CNTNAP2: variants seen among roughly 807,000 people sequenced by gnomAD.
CNTNAP2 encodes contactin-associated protein-like 2.
CNTNAP2 carries 98 observed loss-of-function variants against 155.2 expected under a neutral mutation model. The observed-to-expected ratio is 0.63, with a 90% CI of 0.54 to 0.75. The LOEUF (loss-of-function observed/expected upper bound fraction) is 0.75, where lower values mean the gene tolerates loss of function less well. Ranked by LOEUF, CNTNAP2 falls within the 30% of genes least tolerant of loss-of-function variation. The pLI, the probability that CNTNAP2 is intolerant of heterozygous loss-of-function variation, is 0.00. For synonymous variants in CNTNAP2, 651 were observed against 631.2 expected (o/e 1.03, Z -0.47); for missense variants, 1,727 against 1,688.1 (o/e 1.02, Z -0.40).
intron 8 of CNTNAP2, among the ~76,000 whole-genome samples, chr7:147,269,871 G>A (rs78973976): frequency 0.015 from 2,247 of 152,088 alleles, 63 homozygotes; most frequent in African/African-American, 0.051. Context: ...TGGATATTAT[G>A]GTAAGACCAC....
At chr7:146,682,149 T>C (rs1304055584) in intron 1 of CNTNAP2, among the ~76,000 whole-genome samples, 2 of 152,170 alleles carry the variant, frequency 1.3e-5, no homozygotes, top group African/African-American at 4.8e-5. Flanking sequence ...ATTCATCTTA[T>C]AAATTCTTTG....
intron 21 of CNTNAP2, among the ~76,000 whole-genome samples, chr7:148,382,425 A>G (rs142663033): frequency 1.2e-3 from 179 of 152,340 alleles, no homozygotes; most frequent in African/African-American, 3.8e-3. Context: ...CTGTGGTGTC[A>G]TAGGGAAACC....
At chr7:146,297,656 G>A (rs1039461268) in intron 1 of CNTNAP2, among the ~76,000 whole-genome samples, 16 of 152,136 alleles carry the variant, frequency 1.1e-4, no homozygotes, top group African/African-American at 3.4e-4. Flanking sequence ...ATAACTATCA[G>A]AGAGTTATAA....
chr7:147,015,816 T>C (rs948091018), intron 3 of CNTNAP2, among the ~76,000 whole-genome samples: 2 of 152,102 alleles, frequency 1.3e-5, no homozygotes, highest in African/African-American at 4.8e-5. Context: ...ACTTATATTC[T>C]ATCTCTAATA....
At chr7:148,384,680 G>C (rs961117330) in intron 22 of CNTNAP2, among the ~76,000 whole-genome samples, 5 of 152,142 alleles carry the variant, frequency 3.3e-5, no homozygotes, top group Non-Finnish European at 7.4e-5. Flanking sequence ...GGGTCTCCAG[G>C]CAACATGTGA....
chr7:147,466,747 G>A (rs1400443768), intron 10 of CNTNAP2, among the ~76,000 whole-genome samples: 2 of 151,970 alleles, frequency 1.3e-5, no homozygotes, highest in Admixed American at 6.6e-5. Flanking sequence ...TGATACCCCC[G>A]TCTCTACTAA....
At chr7:147,839,942 A>G (rs1798701200) in intron 13 of CNTNAP2, among the ~76,000 whole-genome samples, 1 of 151,198 alleles carries the variant, frequency 6.6e-6, no homozygotes, top group Non-Finnish European at 1.5e-5. Flanking sequence ...ATATGTATAC[A>G]CACACACACA....
intron 8 of CNTNAP2, among the ~76,000 whole-genome samples, chr7:147,292,542 G>T (rs935047470): frequency 3.9e-5 from 6 of 151,922 alleles, no homozygotes; most frequent in African/African-American, 7.3e-5. Flanking sequence ...GGTTAGAATC[G>T]CATGGTATGT....
At chr7:146,780,728 T>C (rs1303551904) in intron 2 of CNTNAP2, among the ~76,000 whole-genome samples, 1 of 151,936 alleles carries the variant, frequency 6.6e-6, no homozygotes, top group Admixed American at 6.6e-5. Flanking sequence ...TGCAGGGACA[T>C]GGATGAAGCT....
intron 9 of CNTNAP2, among the ~76,000 whole-genome samples, chr7:147,320,466 AT>A (rs1280379921): frequency 6.6e-6 from 1 of 152,164 alleles, no homozygotes; most frequent in Non-Finnish European, 1.5e-5. Flanking sequence ...AAATACCTAT[AT>A]TAACCCTTTT....
At chr7:146,790,601 G>A (rs190090146) in intron 2 of CNTNAP2, among the ~76,000 whole-genome samples, 57 of 145,716 alleles carry the variant, frequency 3.9e-4, no homozygotes, top group African/African-American at 1.4e-3. Flanking sequence ...ACGGAGTCTC[G>A]CTCTGTCGCC....
chr7:147,512,574 T>C (rs1041567913), intron 11 of CNTNAP2, among the ~76,000 whole-genome samples: 1 of 152,170 alleles, frequency 6.6e-6, no homozygotes, highest in African/African-American at 2.4e-5. Flanking sequence ...CAAAGAGATT[T>C]TTAAAAATAC....
intron 19 of CNTNAP2, among the ~76,000 whole-genome samples, chr7:148,228,555 G>A (rs1795900011): frequency 6.6e-6 from 1 of 152,046 alleles, no homozygotes; most frequent in Admixed American, 6.5e-5. Context: ...CAGGAGCGTC[G>A]GCTCACGCCT....
intron 13 of CNTNAP2, among the ~76,000 whole-genome samples, chr7:147,703,294 T>C (rs1563058492): frequency 6.6e-6 from 1 of 152,194 alleles, no homozygotes; most frequent in Non-Finnish European, 1.5e-5. Flanking sequence ...TCTCTAACAG[T>C]AATGAATTTC....
At chr7:146,293,296 C>T (rs1343364161) in intron 1 of CNTNAP2, among the ~76,000 whole-genome samples, 1 of 152,214 alleles carries the variant, frequency 6.6e-6, no homozygotes, top group Admixed American at 6.5e-5. Flanking sequence ...CCATTGAAAA[C>T]TCTGTTGGAC....
intron 1 of CNTNAP2, among the ~76,000 whole-genome samples, chr7:146,163,524 T>TAC (rs1798260978): frequency 6.9e-6 from 1 of 144,342 alleles, no homozygotes; most frequent in African/African-American, 2.6e-5. Flanking sequence ...TATCTATATA[T>TAC]ATCTATATAT....
chr7:146,177,309 T>C (rs554777840), intron 1 of CNTNAP2, among the ~76,000 whole-genome samples: 22 of 152,298 alleles, frequency 1.4e-4, no homozygotes, highest in African/African-American at 5.1e-4. Flanking sequence ...AATTTCTTCA[T>C]GGTTCTTAAA....
intron 13 of CNTNAP2, 68 bp downstream of exon 13, chr7:147,639,374 C>G: frequency 6.9e-7 from 1 of 1,440,052 alleles, no homozygotes; most frequent in South Asian, 1.2e-5. Context: ...CCTAAAGAAT[C>G]CAACAGGTGT....
Position 147,539,814 on chromosome 7 carries a change from T to C in CNTNAP2, c.1778-22324T>C, listed in dbSNP as rs146784512. Among the ~76,000 whole-genome samples, 125 of 152,312 alleles carry C rather than the reference T, an allele frequency of 8.2e-4. 1 individual carries two copies. Among genetic ancestry groups the C allele is most frequent in the African/African-American group, 2.9e-3 (121 of 41,576 alleles). ...GGAAGCATTTTTAGGAATTGTTCAT[T>C]CTTTCTTTGTTATTACAGAAATGAG... On this transcript the variant is annotated intron_variant, in intron 11 of 23. Transcript: ENST00000361727.
Sources: gnomAD v4.1 joint callset for allele counts (sites outside exome capture counted in the v4.1 genomes callset) on GRCh38, gnomAD v4.1.1 for gene constraint, MANE v1.5 for transcripts, NCBI Gene and HGNC (gene_info 2026-07-23, HGNC 2026-07-21) for gene names.